Variants in MTUS2 observed in about 807,000 individuals in gnomAD.
MTUS2 encodes microtubule associated scaffold protein 2.
A neutral mutation model predicts 114.1 loss-of-function variants in MTUS2; 40 were observed. The observed-to-expected ratio is 0.35, with a 90% CI of 0.27 to 0.46. MTUS2 has a LOEUF of 0.46. MTUS2 is among the 20% of genes least tolerant of loss of function. MTUS2 has a pLI of 1.00. For synonymous variants in MTUS2, 688 were observed against 672.0 expected, an observed-to-expected ratio of 1.02 and a Z score of -0.37; for missense variants, 1,679 against 1,705.4, an observed-to-expected ratio of 0.98 and a Z score of 0.27.
chr13:28,990,890 C>G (rs566309543), intron 2 of MTUS2, among the ~76,000 whole-genome samples: 1 of 152,044 alleles, frequency 6.6e-6, no homozygotes, highest in Admixed American at 6.5e-5. Context: ...CAGAAGTCAG[C>G]GAGACCACGA....
intron 2 of MTUS2, among the ~76,000 whole-genome samples, chr13:28,985,576 T>TAAA (rs1178013211): frequency 1.4e-4 from 21 of 149,504 alleles, no homozygotes; most frequent in African/African-American, 5.3e-4. Context: ...TTTTTTTTTT[T>TAAA]AAAAAGCTTT....
In MTUS2 at chr13:29,026,347, C is replaced by T. The variant is rs1566304195; in HGVS notation, c.1649C>T (p.Thr550Ile). Reference protein sequence around the residue: ...TTVNMTYQPTTPSSSFQDVSV... With the variant: ...TTVNMTYQPTIPSSSFQDVSV... ...GTGAACATGACCTACCAGCCTACAA[C>T]ACCCAGTAGCAGTTTTCAGGATGTT... Residue 550 changes from threonine (T) to isoleucine (I), a missense_variant, in exon 3 of 16, where the codon ACA becomes ATA. Coordinates refer to ENST00000612955, the MANE Select transcript of MTUS2 (RefSeq NM_001033602.4). The T allele has an allele frequency of 1.2e-6, 2 of 1,614,008 alleles. No homozygotes were observed. The highest frequency in any genetic ancestry group is 1.7e-6 in the Non-Finnish European group (2 of 1,179,888).
intron 8 of MTUS2, among the ~76,000 whole-genome samples, chr13:29,366,786 G>A (rs1346311857): frequency 6.6e-6 from 1 of 152,168 alleles, no homozygotes; most frequent in Non-Finnish European, 1.5e-5. Context: ...TAGCCCTCCA[G>A]TAGTTGCCTG....
intron 2 of MTUS2, among the ~76,000 whole-genome samples, chr13:28,862,508 G>A (rs576253735): frequency 6.6e-6 from 1 of 152,302 alleles, no homozygotes; most frequent in South Asian, 2.1e-4. Context: ...AGCTACTTGG[G>A]AGACTGAGGC....
chr13:28,831,495 C>T (rs2137951551), intron 1 of MTUS2, among the ~76,000 whole-genome samples: 1 of 152,176 alleles, frequency 6.6e-6, no homozygotes, highest in East Asian at 1.9e-4. Context: ...GCTGGAATGG[C>T]TATACCGATA....
At chr13:29,438,127 A>T (rs1312432671) in intron 8 of MTUS2, among the ~76,000 whole-genome samples, 1 of 152,202 alleles carries the variant, frequency 6.6e-6, no homozygotes, top group Non-Finnish European at 1.5e-5. Context: ...CACTAACTAC[A>T]TCACATACAT....
At chr13:29,388,546 G>C (rs1378404278) in intron 8 of MTUS2, among the ~76,000 whole-genome samples, 1 of 151,166 alleles carries the variant, frequency 6.6e-6, no homozygotes, top group African/African-American at 2.4e-5. Context: ...TTTTCTTTTG[G>C]CTCCCAACTT....
chr13:29,080,968 C>G (rs191814389), intron 4 of MTUS2, among the ~76,000 whole-genome samples: 1 of 152,258 alleles, frequency 6.6e-6, no homozygotes, highest in East Asian at 1.9e-4. Flanking sequence ...TCTGGTGATC[C>G]TCCCATCTCA....
intron 5 of MTUS2, among the ~76,000 whole-genome samples, chr13:29,121,830 A>AT (rs893171165): frequency 6.0e-5 from 9 of 150,090 alleles, no homozygotes; most frequent in Non-Finnish European, 1.3e-4. Flanking sequence ...CTAATTTTGT[A>AT]TTTTTTTTTA....
At chr13:29,104,394 G>A (rs1890565255) in intron 5 of MTUS2, among the ~76,000 whole-genome samples, 1 of 151,984 alleles carries the variant, frequency 6.6e-6, no homozygotes, top group African/African-American at 2.4e-5. Flanking sequence ...ATATATGCAT[G>A]ATTTGAATAT....
intron 4 of MTUS2, among the ~76,000 whole-genome samples, chr13:29,083,105 A>G (rs776374676): frequency 2.4e-4 from 36 of 152,158 alleles, no homozygotes; most frequent in Non-Finnish European, 4.7e-4. Context: ...TGCTGATACA[A>G]TCATTAGCTA....
intron 6 of MTUS2, among the ~76,000 whole-genome samples, chr13:29,291,590 G>C (rs147679283): frequency 1.5e-4 from 23 of 152,190 alleles, no homozygotes; most frequent in Non-Finnish European, 2.5e-4. Context: ...TCCAGCCTTT[G>C]AGCTGAGCTC....
intron 5 of MTUS2, among the ~76,000 whole-genome samples, chr13:29,127,229 C>T (rs537253844): frequency 6.6e-6 from 1 of 152,188 alleles, no homozygotes; most frequent in African/African-American, 2.4e-5. Context: ...AGGTCTCTGT[C>T]CTGTCCTTCC....
intron 5 of MTUS2, among the ~76,000 whole-genome samples, chr13:29,246,362 G>T (rs1342452762): frequency 2.6e-5 from 4 of 152,322 alleles, no homozygotes; most frequent in African/African-American, 7.2e-5. Context: ...GTTTCCTTAG[G>T]ATAGTCCCCA....
intron 9 of MTUS2, among the ~76,000 whole-genome samples, chr13:29,446,023 TC>T (rs1878256239): frequency 2.0e-5 from 3 of 152,286 alleles, no homozygotes; most frequent in African/African-American, 7.2e-5. Flanking sequence ...ACTTGTTCCT[TC>T]TGGTGACCAG....
At chr13:29,181,117 A>C (rs890990246) in intron 5 of MTUS2, among the ~76,000 whole-genome samples, 1 of 152,044 alleles carries the variant, frequency 6.6e-6, no homozygotes, top group Non-Finnish European at 1.5e-5. Context: ...AGCGTCAGGG[A>C]GAGAGCTGGT....
At chr13:29,481,338 C>T (rs1881155607) in intron 10 of MTUS2, among the ~76,000 whole-genome samples, 1 of 152,176 alleles carries the variant, frequency 6.6e-6, no homozygotes, top group Non-Finnish European at 1.5e-5. Flanking sequence ...TGATGAGAGG[C>T]AGGCGGACGA....
intron 5 of MTUS2, among the ~76,000 whole-genome samples, chr13:29,267,468 G>A (rs1897709693): frequency 6.6e-6 from 1 of 152,228 alleles, no homozygotes; most frequent in East Asian, 1.9e-4. Flanking sequence ...TGCAATGTAA[G>A]TTATGTGAAG....
At chr13:29,012,412 C>T (rs530635657) in intron 2 of MTUS2, among the ~76,000 whole-genome samples, 4 of 152,184 alleles carry the variant, frequency 2.6e-5, no homozygotes, top group South Asian at 2.1e-4. Context: ...GTCCACATTG[C>T]AGAGGAGAAT....
Sources: gnomAD v4.1 joint callset for allele counts (sites outside exome capture counted in the v4.1 genomes callset) on GRCh38, gnomAD v4.1.1 for gene constraint, MANE v1.5 for transcripts, NCBI Gene and HGNC (gene_info 2026-07-23, HGNC 2026-07-21) for gene names.